FSIP1: variants seen among roughly 807,000 people sequenced by gnomAD.
FSIP1 encodes the protein fibrous sheath-interacting protein 1.
A neutral mutation model predicts 60.9 loss-of-function variants in FSIP1; 65 were observed. The ratio of observed to expected loss-of-function variants is 1.07; its 90% confidence interval spans 0.87 to 1.31. FSIP1 has a LOEUF of 1.31. Ranked by LOEUF, FSIP1 falls within the 40% of genes most tolerant of loss-of-function variation. FSIP1 has a pLI of 0.00. For missense variants in FSIP1, 675 were observed against 665.5 expected (o/e 1.01, Z -0.16); for synonymous variants, 209 against 221.2 (o/e 0.94, Z 0.49).
At chr15:39,604,223 G>A (rs1890744023) in intron 11 of FSIP1, among the ~76,000 whole-genome samples, 1 of 152,228 alleles carries the variant, frequency 6.6e-6, no homozygotes, top group Admixed American at 6.5e-5. Context: ...GAGCCACAGT[G>A]CCCGGCTGAG....
chr15:39,617,031 A>C (rs1448782334), intron 11 of FSIP1, among the ~76,000 whole-genome samples: 2 of 152,162 alleles, frequency 1.3e-5, no homozygotes, highest in African/African-American at 2.4e-5. Context: ...CCGAAATCTG[A>C]CTCAGTTCAG....
intron 10 of FSIP1, among the ~76,000 whole-genome samples, chr15:39,637,398 A>G (rs186728074): frequency 6.6e-6 from 1 of 152,338 alleles, no homozygotes; most frequent in Admixed American, 6.5e-5. Context: ...ACAGTAGGCT[A>G]CCCAATCACA....
chr15:39,755,077 A>G (rs551847426), intron 5 of FSIP1, among the ~76,000 whole-genome samples: 3 of 152,152 alleles, frequency 2.0e-5, no homozygotes, highest in African/African-American at 7.2e-5. Context: ...AAAAAAAAAA[A>G]TGAGGAAAAA....
chr15:39,728,496 C>T (rs1229623618), intron 8 of FSIP1, among the ~76,000 whole-genome samples: 1 of 152,154 alleles, frequency 6.6e-6, no homozygotes, highest in Non-Finnish European at 1.5e-5. Context: ...CACCTACAAC[C>T]ATCTGATCTT....
At chr15:39,758,571 T>A (rs754509924) in intron 5 of FSIP1, among the ~76,000 whole-genome samples, 2 of 152,052 alleles carry the variant, frequency 1.3e-5, no homozygotes, top group African/African-American at 4.8e-5. Context: ...CTGATAAACA[T>A]TGAATGAAAT....
At chr15:39,759,140 T>A (rs1897400669) in intron 5 of FSIP1, among the ~76,000 whole-genome samples, 1 of 151,746 alleles carries the variant, frequency 6.6e-6, no homozygotes, top group East Asian at 1.9e-4. Context: ...AGAGTACCAA[T>A]GAATGATAAC....
In FSIP1 at chr15:39,658,655, T is replaced by C. The variant is rs998640084; in HGVS notation, c.1189-40410A>G. ...TTGTACTAAGATAAGATTTTTAAGATAGACATAGCAATACGTAGCTCATCC... is the reference window on the plus strand; with the variant it reads ...TTGTACTAAGATAAGATTTTTAAGACAGACATAGCAATACGTAGCTCATCC... On this transcript the variant is annotated intron_variant, in intron 10 of 11. Transcript: ENST00000350221. Among the ~76,000 whole-genome samples the C allele has an allele frequency of 4.6e-5, 7 of 152,342 alleles. No individual in the cohort carries two copies. In the East Asian group the frequency reaches 7.7e-4, roughly 17 times the overall value.
At chr15:39,641,042 A>C (rs2140419304) in intron 10 of FSIP1, among the ~76,000 whole-genome samples, 1 of 152,352 alleles carries the variant, frequency 6.6e-6, no homozygotes, top group Non-Finnish European at 1.5e-5. Flanking sequence ...ACTGCAAAGA[A>C]TACTAACTTA....
chr15:39,648,844 C>G (rs1393736375), intron 10 of FSIP1, among the ~76,000 whole-genome samples: 1 of 152,130 alleles, frequency 6.6e-6, no homozygotes, highest in Non-Finnish European at 1.5e-5. Context: ...GCATTCAAGC[C>G]ACCAAGTAAT....
At chr15:39,664,116 G>GT (rs1157541451) in intron 10 of FSIP1, among the ~76,000 whole-genome samples, 4 of 152,042 alleles carry the variant, frequency 2.6e-5, no homozygotes, top group Non-Finnish European at 5.9e-5. Context: ...AAGAAAGCAG[G>GT]TTTTTTTAAT....
rs866086807 is a variant in FSIP1 at position 39,617,957 on chromosome 15, T to C, written c.1477A>G (p.Met493Val). ...YLTKALTGHN[M>V]SEALVTEAEN... ...GCTTCAGTGACAAGAGCTTCTGACA[T>C]GTTATGTCCAGTCAAGGCTTTAGTG... The change falls in exon 11 of 12, where the codon ATG becomes GTG. Residue 493 changes from methionine (M) to valine (V), a missense_variant. By Grantham distance (21) the Met-to-Val change is conservative. Coordinates refer to ENST00000350221, the MANE Select transcript of FSIP1 (RefSeq NM_152597.5). The C allele has an allele frequency of 1.4e-5, 22 of 1,614,164 alleles. No individual in the cohort carries two copies. Among genetic ancestry groups the C allele is most frequent in the Non-Finnish European group, 1.9e-5 (22 of 1,180,016 alleles).
chr15:39,753,791 T>C (rs1897231694), intron 5 of FSIP1, among the ~76,000 whole-genome samples: 1 of 151,920 alleles, frequency 6.6e-6, no homozygotes, highest in South Asian at 2.1e-4. Flanking sequence ...TAAAAATAAT[T>C]AAAATTAATA....
At chr15:39,690,423 T>C (rs1894550118) in intron 10 of FSIP1, among the ~76,000 whole-genome samples, 1 of 152,192 alleles carries the variant, frequency 6.6e-6, no homozygotes, top group Non-Finnish European at 1.5e-5. Flanking sequence ...ATGACTCCCT[T>C]CATAACTGTG....
At chr15:39,677,889 G>A (rs992818388) in intron 10 of FSIP1, among the ~76,000 whole-genome samples, 2 of 151,864 alleles carry the variant, frequency 1.3e-5, no homozygotes, top group Non-Finnish European at 2.9e-5. Flanking sequence ...CCAGTTACTC[G>A]GGAGGCTGAG....
intron 9 of FSIP1, among the ~76,000 whole-genome samples, chr15:39,726,381 T>C (rs1414472651): frequency 6.6e-6 from 1 of 152,006 alleles, no homozygotes; most frequent in African/African-American, 2.4e-5. Flanking sequence ...ATAATAATAT[T>C]AAAAGAAATA....
chr15:39,747,979 C>T (rs1220569702), intron 5 of FSIP1, among the ~76,000 whole-genome samples: 1 of 152,052 alleles, frequency 6.6e-6, no homozygotes, highest in Admixed American at 6.6e-5. Context: ...TCATCATTTC[C>T]TCATCTATTT....
chr15:39,635,390 T>C (rs114418373), intron 10 of FSIP1, among the ~76,000 whole-genome samples: 2,401 of 152,002 alleles, frequency 0.016, 69 homozygotes, highest in African/African-American at 0.055. Flanking sequence ...GATCAAGGCA[T>C]GTATTGAGTT....
At chr15:39,640,686 A>G (rs938436259) in intron 10 of FSIP1, among the ~76,000 whole-genome samples, 1 of 151,874 alleles carries the variant, frequency 6.6e-6, no homozygotes, top group Admixed American at 6.6e-5. Flanking sequence ...CAGATTCACA[A>G]AGACTCCAGT....
intron 5 of FSIP1, among the ~76,000 whole-genome samples, chr15:39,754,551 A>C (rs1047300096): frequency 2.0e-5 from 3 of 152,086 alleles, no homozygotes; most frequent in African/African-American, 7.2e-5. Flanking sequence ...GATAAAAAAA[A>C]AACAGGTCAG....
Sources: allele counts gnomAD v4.1 joint callset (sites outside exome capture counted in the v4.1 genomes callset), GRCh38; gene constraint gnomAD v4.1.1; transcripts MANE v1.5; gene names NCBI Gene and HGNC (gene_info 2026-07-23, HGNC 2026-07-21).